Variants in TFDP2 observed in about 807,000 individuals in gnomAD.
TFDP2 encodes the protein transcription factor Dp-2 (E2F dimerization partner 2).
In TFDP2, 17 loss-of-function variants were observed where a neutral mutation model predicts 59.3. The ratio of observed to expected loss-of-function variants is 0.29; its 90% CI spans 0.20 to 0.43. TFDP2 has a LOEUF of 0.43. Ranked by LOEUF, TFDP2 falls within the 20% of genes least tolerant of loss-of-function variation. The pLI is 1.00. For synonymous variants in TFDP2, 180 were observed against 194.7 expected (o/e 0.92, Z 0.63); for missense variants, 391 against 528.8 (o/e 0.74, Z 2.56).
intron 1 of TFDP2, among the ~76,000 whole-genome samples, chr3:142,107,242 T>A (rs1401089967): frequency 6.6e-6 from 1 of 151,688 alleles, no homozygotes; most frequent in Non-Finnish European, 1.5e-5. Flanking sequence ...TTTCTTTTTT[T>A]TTTTTTCGAG....
intron 3 of TFDP2, among the ~76,000 whole-genome samples, chr3:142,026,936 C>T (rs1946139655): frequency 6.6e-6 from 1 of 152,150 alleles, no homozygotes; most frequent in African/African-American, 2.4e-5. Flanking sequence ...ATATTACTCC[C>T]ATATTTCTTA....
chr3:141,991,588 T>C lies in TFDP2; in HGVS notation c.356+1950A>G, dbSNP rs567405320. On this transcript the variant is annotated intron_variant, in intron 6 of 12. Coordinates refer to ENST00000489671, the MANE Select transcript of TFDP2 (RefSeq NM_001178139.2). ...AGCCTGGCCACATGGTGAAACCCCA[T>C]CTCTACTACAAATACAAAAATTAGC... Among the ~76,000 whole-genome samples, 303 of 151,528 alleles carry C rather than the reference T, an allele frequency of 2.0e-3. 2 individuals are homozygous for C. Among genetic ancestry groups the C allele is most frequent in the Non-Finnish European group, 3.3e-3 (222 of 67,916 alleles).
chr3:142,108,364 C>A (rs2061546890), intron 1 of TFDP2, among the ~76,000 whole-genome samples: 1 of 152,052 alleles, frequency 6.6e-6, no homozygotes, highest in Non-Finnish European at 1.5e-5. Context: ...AGCCTGCCAC[C>A]ACGCATGGCT....
intron 3 of TFDP2, among the ~76,000 whole-genome samples, chr3:142,060,513 T>C (rs1387858057): frequency 2.6e-5 from 4 of 152,226 alleles, no homozygotes; most frequent in East Asian, 1.9e-4. Context: ...ACAAGTCCCA[T>C]GTTGTCTCAA....
rs1560197498 is a variant in TFDP2, at chr3:142,149,357, C to T, written c.-267G>A. 2.6e-6 allele frequency: 1 copy of T among 392,074 alleles called. No homozygotes were observed. Among genetic ancestry groups the T allele is most frequent in the Non-Finnish European group, 4.5e-6 (1 of 222,282 alleles). The allele number at this position is 392,074 out of a possible 1,614,324, so 24.3% of individuals were successfully genotyped here. A position where few individuals can be genotyped will look rare whatever the true frequency, so the allele number is the denominator to read the frequency against. On this transcript the variant is annotated 5_prime_UTR_variant, in exon 1 of 13. Coordinates refer to ENST00000489671, the MANE Select transcript of TFDP2 (RefSeq NM_001178139.2). Reference sequence around the variant, plus strand: ...GGTCAAGGCCCAGGAGTTTGAGGCCCCAGAACGCCAACCGTGCGCGCGCCC... The same window carrying T: ...GGTCAAGGCCCAGGAGTTTGAGGCCTCAGAACGCCAACCGTGCGCGCGCCC...
Position 141,951,678 on chromosome 3 carries a change from T to C in TFDP2, c.*835A>G, listed in dbSNP as rs939990366. ...TCTTGTTTTAAATGAAAAAGCTATATGAAATGCATAGCTTTGATTAACCTA... is the reference window on the plus strand; with the variant it reads ...TCTTGTTTTAAATGAAAAAGCTATACGAAATGCATAGCTTTGATTAACCTA... On this transcript the variant is annotated 3_prime_UTR_variant, in exon 13 of 13. Transcript: ENST00000489671. The C allele has an allele frequency of 6.6e-6, 1 of 152,666 alleles. No individual in the cohort carries two copies. The highest frequency in any genetic ancestry group is 2.4e-5 in the African/African-American group (1 of 41,460). 9.5% of individuals were successfully genotyped at this position (152,666 alleles called of 1,614,324 possible). A position where few individuals can be genotyped will look rare whatever the true frequency, so the allele number is the denominator to read the frequency against.
At chr3:142,011,627 A>C (rs2108299253) in intron 3 of TFDP2, among the ~76,000 whole-genome samples, 1 of 149,248 alleles carries the variant, frequency 6.7e-6, no homozygotes, top group Non-Finnish European at 1.5e-5. Context: ...AGTGAGGAAA[A>C]CAAGGAAAAA....
At chr3:142,135,322 T>C (rs1470411920) in intron 1 of TFDP2, among the ~76,000 whole-genome samples, 1 of 152,108 alleles carries the variant, frequency 6.6e-6, no homozygotes, top group South Asian at 2.1e-4. Flanking sequence ...CATTTTTCTC[T>C]TCTGTCATCA....
At chr3:142,034,415 T>G (rs1339386528) in intron 3 of TFDP2, among the ~76,000 whole-genome samples, 2 of 151,776 alleles carry the variant, frequency 1.3e-5, no homozygotes, top group Non-Finnish European at 2.9e-5. Context: ...AACTATTAAT[T>G]AATTATTAAA....
At chr3:141,958,549 G>C (rs975814339) in intron 11 of TFDP2, among the ~76,000 whole-genome samples, 7 of 152,124 alleles carry the variant, frequency 4.6e-5, no homozygotes, top group African/African-American at 1.7e-4. Context: ...GGTGGGAAAG[G>C]GCACAGAGCC....
intron 3 of TFDP2, among the ~76,000 whole-genome samples, chr3:142,019,053 A>ATTTTTTTTTTTTTTTTTTTTTTTT: frequency 7.1e-6 from 1 of 140,316 alleles, no homozygotes; most frequent in Non-Finnish European, 1.6e-5. Context: ...TTCTTCGCAC[A>ATTTTTTTTTTTTTTTTTTTTTTTT]TTTTTTTTTT....
intron 6 of TFDP2, among the ~76,000 whole-genome samples, chr3:141,983,786 TA>T (rs1440732975): frequency 6.6e-6 from 1 of 152,054 alleles, no homozygotes; most frequent in East Asian, 1.9e-4. Flanking sequence ...GAATGGCTAT[TA>T]AAAAAACAAA....
chr3:142,099,893 T>G (rs1391539029), intron 2 of TFDP2, among the ~76,000 whole-genome samples: 7 of 152,130 alleles, frequency 4.6e-5, no homozygotes, highest in Non-Finnish European at 2.9e-5. Flanking sequence ...AGAATTCCTC[T>G]TCTAATTAAA....
At position 141,949,929 on chromosome 3, in the gene TFDP2, T is replaced by A. The variant is rs189106280; in HGVS notation, c.*2584A>T. ...CTCAAGCAATCCTCCCACCTCAGCC[T>A]CTTGAGTAGCCAGGACTACAGGCAT... is the stretch of plus-strand genomic sequence containing the variant. On this transcript the variant is annotated 3_prime_UTR_variant, in exon 13 of 13. Coordinates refer to ENST00000489671, the MANE Select transcript of TFDP2 (RefSeq NM_001178139.2). The A allele has an allele frequency of 2.1e-5, 3 of 145,444 alleles. No individual in the cohort carries two copies. Among genetic ancestry groups the A allele is most frequent in the Non-Finnish European group, 4.5e-5 (3 of 67,414 alleles). The allele number at this position is 145,444 out of a possible 1,614,324, so 9.0% of individuals were successfully genotyped here. A position where few individuals can be genotyped will look rare whatever the true frequency, so the allele number is the denominator to read the frequency against.
chr3:142,121,912 A>C lies in TFDP2; in HGVS notation c.-92-20071T>G, dbSNP rs1358193694. 1.3e-5 allele frequency among the ~76,000 whole-genome samples: 2 copies of C among 152,180 alleles called. No homozygotes were observed. The highest frequency in any genetic ancestry group is 4.8e-5 in the African/African-American group (2 of 41,448). ...TTCTAGTCTGACCTAGGCAATCTAA[A>C]GAAGGGGAAAGAAAACACCTATCAG... On this transcript the variant is annotated intron_variant, in intron 1 of 12. Coordinates refer to ENST00000489671, the MANE Select transcript of TFDP2 (RefSeq NM_001178139.2). This position sits in a 1 kb window ranked among gnomAD's most constrained non-coding sequence, Gnocchi z 4.3.
chr3:142,024,280 T>G (rs1403207451), intron 3 of TFDP2, among the ~76,000 whole-genome samples: 1 of 152,174 alleles, frequency 6.6e-6, no homozygotes, highest in Non-Finnish European at 1.5e-5. Context: ...AGCTTTAGAG[T>G]TACCATGTAA....
chr3:142,135,240 G>C (rs1264287975), intron 1 of TFDP2, among the ~76,000 whole-genome samples: 1 of 151,908 alleles, frequency 6.6e-6, no homozygotes, highest in Non-Finnish European at 1.5e-5. Context: ...CAAGTAGCTG[G>C]GACTATAGGC....
At chr3:142,038,370 C>A (rs1379287329) in intron 3 of TFDP2, among the ~76,000 whole-genome samples, 3 of 115,570 alleles carry the variant, frequency 2.6e-5, no homozygotes, top group Admixed American at 1.2e-4. Context: ...GGCGACAGAG[C>A]GAGACTCCAT....
intron 4 of TFDP2, among the ~76,000 whole-genome samples, chr3:141,999,633 TATCTACC>T (rs891486236): frequency 1.3e-5 from 2 of 152,202 alleles, no homozygotes; most frequent in African/African-American, 4.8e-5. Context: ...TTGAAATTTC[TATCTACC>T]ATTAAGATTT....
Sources: allele counts gnomAD v4.1 joint callset (sites outside exome capture counted in the v4.1 genomes callset), GRCh38; gene constraint gnomAD v4.1.1; non-coding constraint Gnocchi (gnomAD v3.1); transcripts MANE v1.5; gene names NCBI Gene and HGNC (gene_info 2026-07-23, HGNC 2026-07-21).